VPS13C: variants seen among roughly 807,000 people sequenced by gnomAD.
VPS13C encodes vacuolar protein sorting 13 homolog C.
Under a neutral mutation model 456.8 loss-of-function variants are expected in VPS13C, and 358 were observed. The observed-to-expected ratio is 0.78, with a 90% CI of 0.72 to 0.86. The LOEUF (loss-of-function observed/expected upper bound fraction) is 0.86, where lower values mean the gene tolerates loss of function less well. VPS13C is among the 40% of genes least tolerant of loss of function. The pLI, the probability that VPS13C is intolerant of heterozygous loss-of-function variation, is 0.00. For synonymous variants in VPS13C, 1,578 were observed against 1,486.7 expected (o/e 1.06, Z -1.41); for missense variants, 4,818 against 4,385.4 (o/e 1.10, Z -2.79).
intron 16 of VPS13C, among the ~76,000 whole-genome samples, chr15:61,998,849 T>C (rs2046487745): frequency 6.6e-6 from 1 of 152,210 alleles, no homozygotes; most frequent in Admixed American, 6.5e-5. Context: ...CTCCCACTCC[T>C]CAGCTTACTC....
Position 61,927,272 on chromosome 15 carries a change from G to A in VPS13C, c.6335C>T (p.Pro2112Leu), listed in dbSNP as rs2043882914. 6.2e-7 allele frequency: 1 copy of A among 1,614,150 alleles called. No individual in the cohort carries two copies. The highest frequency in any genetic ancestry group is 1.3e-5 in the African/African-American group (1 of 75,040). Residue 2112 changes from proline (P) to leucine (L), a missense_variant, in exon 52 of 85, where the codon CCA becomes CTA. Transcript: ENST00000644861. ...CAGGCTGGCAACAAATACCACTTCTGGATCTGTGATCATGGCCTTTAAAGT... is the reference window on the plus strand; with the variant it reads ...CAGGCTGGCAACAAATACCACTTCTAGATCTGTGATCATGGCCTTTAAAGT... ...NMTLKAMITDPEVVFVASLTK... is the reference protein window; with the variant it reads ...NMTLKAMITDLEVVFVASLTK...
At chr15:62,031,516 TTTC>T (rs774560018) in intron 5 of VPS13C, among the ~76,000 whole-genome samples, 1 of 151,986 alleles carries the variant, frequency 6.6e-6, no homozygotes, top group Admixed American at 6.6e-5. Flanking sequence ...CTTAAATGTG[TTTC>T]TTAACAGTTA....
chr15:61,873,548 CCAA>C (rs1430191744), intron 77 of VPS13C, 139 bp from the exon 78 acceptor site: 4 of 782,314 alleles, frequency 5.1e-6, no homozygotes, highest in South Asian at 4.7e-5. Context: ...ATACAAATGG[CCAA>C]CAAGTATATG....
intron 81 of VPS13C, chr15:61,865,743 T>C (rs1894525803): frequency 5.2e-6 from 3 of 574,956 alleles, no homozygotes; most frequent in Non-Finnish European, 6.6e-6. Flanking sequence ...TGTATGTATA[T>C]CTGTATGTGT....
At chr15:62,042,969 C>T (rs1264983159) in intron 2 of VPS13C, among the ~76,000 whole-genome samples, 1 of 150,376 alleles carries the variant, frequency 6.6e-6, no homozygotes, top group Non-Finnish European at 1.5e-5. Flanking sequence ...TTAATTATAA[C>T]CAAAACTTGA....
chr15:61,859,848 A>G (rs953171870), intron 82 of VPS13C, among the ~76,000 whole-genome samples: 1 of 151,028 alleles, frequency 6.6e-6, no homozygotes. Context: ...TTTTTTTTTT[A>G]AAGTCTGCTC....
intron 51 of VPS13C, 57 bp from the exon 52 acceptor site, chr15:61,927,377 TAC>T: frequency 7.4e-7 from 1 of 1,355,594 alleles, no homozygotes; most frequent in Non-Finnish European, 1.0e-6. Flanking sequence ...TTCATTTGAC[TAC>T]ATGTTATCTA....
chr15:62,021,693 G>A (rs1020085201), intron 8 of VPS13C, among the ~76,000 whole-genome samples: 1 of 151,912 alleles, frequency 6.6e-6, no homozygotes, highest in Non-Finnish European at 1.5e-5. Flanking sequence ...GTACAGTTGA[G>A]AAGTACGAAT....
chr15:61,865,984 G>A, intron 81 of VPS13C: 1 of 983,934 alleles, frequency 1.0e-6, no homozygotes, highest in Non-Finnish European at 1.2e-6. Context: ...ATTACAAAGG[G>A]CTAAAAAGAT....
intron 53 of VPS13C, 64 bp from the exon 54 acceptor site, chr15:61,922,826 A>C (rs1269760928): frequency 2.6e-5 from 34 of 1,306,058 alleles, no homozygotes; most frequent in Admixed American, 8.4e-5. Flanking sequence ...ATATATACAT[A>C]CATGATTTTA....
chr15:61,931,500 T>C (rs893130907), intron 49 of VPS13C, among the ~76,000 whole-genome samples: 5 of 152,020 alleles, frequency 3.3e-5, no homozygotes, highest in African/African-American at 1.2e-4. Flanking sequence ...AAAATTTATC[T>C]GATTTACAGT....
At chr15:61,969,581 T>C (rs2045484298) in intron 27 of VPS13C, 129 bp from the exon 28 acceptor site, 5 of 458,314 alleles carry the variant, frequency 1.1e-5, no homozygotes, top group Middle Eastern at 6.3e-4. Context: ...TCTGCCACCA[T>C]AGCAATTTAA....
chr15:62,020,527 T>C lies in VPS13C; in HGVS notation c.636A>G (p.Pro212=). The change falls in exon 9 of 85, where the codon CCA becomes CCG. Residue 212 remains proline, a synonymous_variant. Transcript: ENST00000644861. ...HIKYEDDVTD[P]KRPLSFGVTL... is the part of the protein sequence containing the mutation. ...TGACACCAAATGAAAGAGGCCGCTT[T>C]GGATCAGTGACCTACCAAAGAAGAA... The C allele has an allele frequency of 6.2e-7, 1 of 1,611,664 alleles. No individual in the cohort carries two copies. Among genetic ancestry groups the C allele is most frequent in the South Asian group, 1.1e-5 (1 of 90,922 alleles).
Position 61,882,747 on chromosome 15 carries a change from A to G in VPS13C, c.9484-11T>C, listed in dbSNP as rs757575489. 2 of 1,583,250 alleles carry G rather than the reference A, an allele frequency of 1.3e-6. No homozygotes were observed. The highest frequency in any genetic ancestry group is 1.7e-6 in the Non-Finnish European group (2 of 1,167,726). ...TTTATCAAAATTGACCTAGAAAAAA[A>G]GCACATGTTTTTGTGATGAGCTGAT... is the stretch of plus-strand genomic sequence containing the variant. On this transcript the variant is annotated splice_polypyrimidine_tract_variant and intron_variant, in intron 68 of 84. Coordinates refer to ENST00000644861, the MANE Select transcript of VPS13C (RefSeq NM_020821.3).
intron 66 of VPS13C, 26 bp from the exon 67 acceptor site, chr15:61,890,426 A>T: frequency 2.5e-6 from 4 of 1,587,510 alleles, no homozygotes; most frequent in Non-Finnish European, 3.5e-6. Context: ...ACTTCATTAA[A>T]CCCACACATA....
At chr15:61,866,391 A>G (rs1206621923) in intron 81 of VPS13C, 1 of 983,366 alleles carries the variant, frequency 1.0e-6, no homozygotes, top group East Asian at 1.1e-4. Flanking sequence ...TTATAAAAAG[A>G]TATCACAAGG....
chr15:61,947,364 T>C (rs1260217793), intron 42 of VPS13C, 55 bp from the exon 43 acceptor site: 4 of 1,280,378 alleles, frequency 3.1e-6, no homozygotes, highest in South Asian at 1.3e-5. Context: ...ATACAACACA[T>C]ACAATAACCT....
At position 61,881,071 on chromosome 15, in the gene VPS13C, A is replaced by C; in HGVS notation, c.9777-117T>G. 3 of 787,498 alleles carry C rather than the reference A, an allele frequency of 3.8e-6. No individual in the cohort carries two copies. The South Asian group carries it at 6.7e-5, about 18-fold the overall frequency. The allele number at this position is 787,498 out of a possible 1,614,324, so 48.8% of individuals were successfully genotyped here. A position where few individuals can be genotyped will look rare whatever the true frequency, so the allele number is the denominator to read the frequency against. On this transcript the variant is annotated intron_variant, in intron 71 of 84. Coordinates refer to ENST00000644861, the MANE Select transcript of VPS13C (RefSeq NM_020821.3). ...ATATCTTGTTCCTTCATCTCCTAAA[A>C]ATTATGTTAATAAGATCAAAGTCTT... is the stretch of plus-strand genomic sequence containing the variant.
chr15:61,883,982 G>A (rs553961992), intron 68 of VPS13C, 146 bp downstream of exon 68: 6 of 561,234 alleles, frequency 1.1e-5, no homozygotes, highest in Admixed American at 4.0e-5. Flanking sequence ...CATTAGACAC[G>A]CCAATCCTAT....
Sources: allele counts gnomAD v4.1 joint callset (sites outside exome capture counted in the v4.1 genomes callset), GRCh38; gene constraint gnomAD v4.1.1; transcripts MANE v1.5; gene names NCBI Gene and HGNC (gene_info 2026-07-23, HGNC 2026-07-21).